The following ABCC3 variants were observed in gnomAD, a reference collection of about 807,000 sequenced individuals.
The protein encoded by ABCC3 is ATP binding cassette subfamily C member 3.
In ABCC3, 121 loss-of-function variants were observed where a neutral mutation model predicts 165.3. The ratio of observed to expected loss-of-function variants is 0.73; its 90% CI spans 0.63 to 0.85. The LOEUF is 0.85. Ranked by LOEUF, ABCC3 falls within the 40% of genes least tolerant of loss-of-function variation. ABCC3 has a pLI of 0.00. For missense variants in ABCC3, 1,869 were observed against 1,964.1 expected (o/e 0.95, Z 0.92); for synonymous variants, 733 against 810.1 (o/e 0.90, Z 1.62).
intron 1 of ABCC3, among the ~76,000 whole-genome samples, chr17:50,642,670 C>G (rs1966914628): frequency 6.6e-6 from 1 of 152,220 alleles, no homozygotes; most frequent in South Asian, 2.1e-4. Context: ...GGCTCACCAA[C>G]AGTTGCATGG....
In ABCC3 at chr17:50,665,234, C is replaced by T. The variant is rs761029730; in HGVS notation, c.1420C>T (p.Arg474Cys). ...PLNGAVAVKM[R>C]AFQVKQMKLK... ...CAACGGAGCTGTGGCCGTGAAGATG[C>T]GCGCCTTCCAGGTAGGTGCTGTCAG... Residue 474 changes from arginine to cysteine, a missense_variant, in exon 11 of 31, where the codon CGC becomes TGC. By Grantham distance (180) the Arg-to-Cys change is radical. Transcript: ENST00000285238. The T allele has an allele frequency of 9.9e-6, 16 of 1,613,292 alleles. No homozygotes were observed. Among genetic ancestry groups the T allele is most frequent in the South Asian group, 7.7e-5 (7 of 91,072 alleles).
intron 1 of ABCC3, among the ~76,000 whole-genome samples, chr17:50,640,503 T>C (rs563606909): frequency 4.5e-4 from 68 of 152,182 alleles, no homozygotes; most frequent in African/African-American, 1.5e-3. Flanking sequence ...AACCAGTTTT[T>C]GTTTGTTTGT....
intron 7 of ABCC3, among the ~76,000 whole-genome samples, chr17:50,660,089 C>T (rs893857247): frequency 3.3e-5 from 5 of 152,124 alleles, no homozygotes; most frequent in Non-Finnish European, 5.9e-5. Flanking sequence ...CACATGGAGC[C>T]GGCTGGCCCC....
chr17:50,657,139 G>A lies in ABCC3; in HGVS notation c.442G>A (p.Ala148Thr), dbSNP rs781282162. ...CTTCTGGTTCCTGTGTGTGGTCTGC[G>A]CCATCGTCCCATTCCGCTCCAAGAT... ...IIFWFLCVVC[A>T]IVPFRSKILL... The change falls in exon 4 of 31, where the codon GCC (alanine) becomes ACC (threonine). Residue 148 changes from alanine (A) to threonine (T), a missense_variant. Physicochemically the swap from Ala to Thr is moderately conservative, Grantham distance 58 (BLOSUM62 0). Transcript: ENST00000285238. 7 of 1,614,150 alleles carry A rather than the reference G, an allele frequency of 4.3e-6. No individual in the cohort carries two copies. The highest frequency in any genetic ancestry group is 3.3e-4 in the Middle Eastern group (2 of 6,062).
Position 50,669,442 on chromosome 17 carries a change from C to T in ABCC3, c.2155C>T (p.Arg719Cys), listed in dbSNP as rs767722164. The change falls in exon 17 of 31, where the codon CGC becomes TGC. Residue 719 changes from arginine to cysteine, a missense_variant. Transcript: ENST00000285238. ...TTTCGGCAAAGCCCTGAACCCCAAG[C>T]GCTACCAGCAGACTCTGGAGGCCTG... ...VLFGKALNPK[R>C]YQQTLEACAL... The T allele has an allele frequency of 1.3e-5, 21 of 1,614,124 alleles. No homozygotes were observed. Among genetic ancestry groups the T allele is most frequent in the Admixed American group, 5.0e-5 (3 of 60,012 alleles).
intron 26 of ABCC3, among the ~76,000 whole-genome samples, chr17:50,681,453 C>T (rs775822689): frequency 6.6e-6 from 1 of 152,198 alleles, no homozygotes; most frequent in South Asian, 2.1e-4. Context: ...TCCTCAGTCC[C>T]GCCCTCCATC....
chr17:50,683,833 TC>T (rs1967971134), intron 27 of ABCC3, 77 bp downstream of exon 27: 3 of 1,559,900 alleles, frequency 1.9e-6, no homozygotes, highest in South Asian at 2.4e-5. Flanking sequence ...GGAGCTTGGG[TC>T]TTTTGAGAGC....
chr17:50,659,317 T>C lies in ABCC3; in HGVS notation c.755T>C (p.Val252Ala). The C allele has an allele frequency of 2.5e-6, 4 of 1,613,228 alleles. No individual in the cohort carries two copies. The highest frequency in any genetic ancestry group is 3.4e-6 in the Non-Finnish European group (4 of 1,179,350). ...SLKEEDRSQMVVQQLLEAWRK... is the reference protein window; with the variant it reads ...SLKEEDRSQMAVQQLLEAWRK... ...AAGGAAGAGGACAGATCCCAGATGG[T>C]GGTGCAGCAGCTGCTGGAGGCATGG... Residue 252 changes from valine to alanine, a missense_variant, in exon 7 of 31, where the codon GTG becomes GCG. Transcript: ENST00000285238.
chr17:50,642,719 G>C (rs1290689873), intron 1 of ABCC3, among the ~76,000 whole-genome samples: 1 of 152,178 alleles, frequency 6.6e-6, no homozygotes, highest in African/African-American at 2.4e-5. Context: ...TCTCCGCATC[G>C]GGGTTGGGTT....
intron 17 of ABCC3, 113 bp from the exon 18 acceptor site, chr17:50,672,858 A>G: frequency 1.1e-6 from 1 of 914,638 alleles, no homozygotes; most frequent in Non-Finnish European, 1.6e-6. Context: ...GGTGAGTGAG[A>G]CCCCATCTCA....
chr17:50,647,052 T>C (rs1967015385), intron 1 of ABCC3, among the ~76,000 whole-genome samples: 1 of 152,112 alleles, frequency 6.6e-6, no homozygotes, highest in Non-Finnish European at 1.5e-5. Context: ...CTAATTTTTG[T>C]ATTTTTAGTA....
At chr17:50,687,469 C>T in intron 29 of ABCC3, 67 bp from the exon 30 acceptor site, 1 of 1,515,768 alleles carries the variant, frequency 6.6e-7, no homozygotes, top group Non-Finnish European at 9.0e-7. Flanking sequence ...TGAAACAGGT[C>T]TGGGAATGAG....
At position 50,673,974 on chromosome 17, in the gene ABCC3, T is replaced by TTC. The variant is rs1567835536; in HGVS notation, c.2599+318_2599+319dup. On this transcript the variant is annotated intron_variant, in intron 19 of 30. Coordinates refer to ENST00000285238, the MANE Select transcript of ABCC3 (RefSeq NM_003786.4). ...TTTCTTTCTTTCTTTCTTTCTTTCTTTCTTTCTCTCTCTCTCTCTCTCTCT... is the reference window on the plus strand; with the variant it reads ...TTTCTTTCTTTCTTTCTTTCTTTCTTTCTCTTTCTCTCTCTCTCTCTCTCTCT... Among the ~76,000 whole-genome samples, 110 of 13,282 alleles carry TTC rather than the reference T, an allele frequency of 8.3e-3. 16 individuals are homozygous for TTC. The highest frequency in any genetic ancestry group is 0.012 in the East Asian group (8 of 662). 8.7% of individuals were successfully genotyped at this position (13,282 alleles called of 152,430 possible).
rs1204629928 is a variant in ABCC3 at position 50,656,920 on chromosome 17, G to T, written c.348+93G>T. The T allele has an allele frequency of 3.2e-6, 5 of 1,549,346 alleles. No individual in the cohort carries two copies. The East Asian group carries it at 1.1e-4, about 35-fold the overall frequency. The stretch of plus-strand genomic sequence containing the variant: ...ACTGTGGGCTCTGAGGAGAGGGCTG[G>T]ACATATTGGGAATGGGAAGAAGAAG... On this transcript the variant is annotated intron_variant, in intron 3 of 30. Transcript: ENST00000285238.
intron 1 of ABCC3, among the ~76,000 whole-genome samples, chr17:50,654,779 A>G (rs960812542): frequency 6.6e-6 from 1 of 152,226 alleles, no homozygotes; most frequent in East Asian, 1.9e-4. Context: ...TCACTTTGAT[A>G]AAATTAAAAA....
rs1176203301 is a variant in ABCC3 at position 50,634,906 on chromosome 17, C to A, written c.-31C>A. ...CTGCCCGCCGCTGGGTCCGACCGCG[C>A]TCGCCTTCCTTGCAGCCGCGCCTCG... is the stretch of plus-strand genomic sequence containing the variant. On this transcript the variant is annotated 5_prime_UTR_variant, in exon 1 of 31. Coordinates refer to ENST00000285238, the MANE Select transcript of ABCC3 (RefSeq NM_003786.4). 11 of 1,251,984 alleles carry A rather than the reference C, an allele frequency of 8.8e-6. No individual in the cohort carries two copies. The highest frequency in any genetic ancestry group is 3.3e-5 in the South Asian group (1 of 30,724). The allele number at this position is 1,251,984 out of a possible 1,614,324, so 77.6% of individuals were successfully genotyped here.
chr17:50,679,913 T>A lies in ABCC3; in HGVS notation c.3807+14T>A. On this transcript the variant is annotated intron_variant, in intron 26 of 30. Coordinates refer to ENST00000285238, the MANE Select transcript of ABCC3 (RefSeq NM_003786.4). ...ACAGAGACAGAGGTGGGTACTGGCA[T>A]GAGCCCGGGACAGGGGGAATCTGAA... 1 of 1,605,402 alleles carries A rather than the reference T, an allele frequency of 6.2e-7. No individual in the cohort carries two copies. Among genetic ancestry groups the A allele is most frequent in the Non-Finnish European group, 8.5e-7 (1 of 1,172,224 alleles).
chr17:50,660,706 C>T (rs1967358850), intron 7 of ABCC3, among the ~76,000 whole-genome samples: 1 of 152,194 alleles, frequency 6.6e-6, no homozygotes, highest in Admixed American at 6.5e-5. Flanking sequence ...TTTTAGAGTC[C>T]TTGTGGTAGC....
intron 2 of ABCC3, among the ~76,000 whole-genome samples, chr17:50,656,413 G>C (rs925408268): frequency 6.6e-6 from 1 of 152,190 alleles, no homozygotes; most frequent in Non-Finnish European, 1.5e-5. Flanking sequence ...CCACCTCCTC[G>C]GCTGGACTGG....
Sources: gnomAD v4.1 joint callset for allele counts (sites outside exome capture counted in the v4.1 genomes callset) on GRCh38, gnomAD v4.1.1 for gene constraint, MANE v1.5 for transcripts, NCBI Gene and HGNC (gene_info 2026-07-23, HGNC 2026-07-21) for gene names.